Variants in PCLO observed in about 807,000 individuals in gnomAD.
PCLO encodes the protein protein piccolo.
Under a neutral mutation model 427.5 loss-of-function variants are expected in PCLO, and 82 were observed. That is an observed-to-expected ratio of 0.19 (90% CI 0.16 to 0.23). PCLO has a LOEUF of 0.23. PCLO is among the 10% of genes least tolerant of loss of function. The pLI is 1.00. For synonymous variants in PCLO, 2,357 were observed against 2,155.4 expected, an observed-to-expected ratio of 1.09 and a Z score of -2.59; for missense variants, 6,239 against 6,115.9, an observed-to-expected ratio of 1.02 and a Z score of -0.67.
At position 82,956,524 on chromosome 7, in the gene PCLO, C is replaced by G; in HGVS notation, c.4429G>C (p.Asp1477His). Reference sequence around the variant, plus strand: ...TGTTGGCTATCTTTTTTAAAAGTGTCTTTCCTTTCTTCTTGACTCTCTTTG... The same window carrying G: ...TGTTGGCTATCTTTTTTAAAAGTGTGTTTCCTTTCTTCTTGACTCTCTTTG... ...EIKESQEERK[D>H]TFKKDSQQDI... The change falls in exon 5 of 25, where the codon GAC (aspartate) becomes CAC (histidine). Residue 1477 changes from aspartate (D) to histidine (H), a missense_variant. This residue lies in a region of PCLO where 4,677 missense variants were observed against 4,468.4 expected (regional missense o/e 1.05). Transcript: ENST00000333891. 1 of 1,612,536 alleles carries G rather than the reference C, an allele frequency of 6.2e-7. No homozygotes were observed. The highest frequency in any genetic ancestry group is 2.2e-5 in the East Asian group (1 of 44,854).
At chr7:83,054,061 T>C (rs1017558496) in intron 3 of PCLO, among the ~76,000 whole-genome samples, 18 of 151,952 alleles carry the variant, frequency 1.2e-4, no homozygotes, top group Non-Finnish European at 8.8e-5. Context: ...ATAACCACCA[T>C]GATCTGAACT....
intron 3 of PCLO, among the ~76,000 whole-genome samples, chr7:82,982,977 T>A (rs966316581): frequency 6.6e-6 from 1 of 151,698 alleles, no homozygotes; most frequent in South Asian, 2.1e-4. Flanking sequence ...CACCTGTGAT[T>A]GGGAAAATTA....
chr7:83,009,416 T>C lies in PCLO; in HGVS notation c.3301-42929A>G, dbSNP rs1788025041. On this transcript the variant is annotated intron_variant, in intron 3 of 24. Coordinates refer to ENST00000333891, the MANE Select transcript of PCLO (RefSeq NM_033026.6). ...GTGAGCAAGTTATTTAGCCCATCTG[T>C]GCCAAAGATTTCCAATTTCTATTTA... 7.9e-5 allele frequency among the ~76,000 whole-genome samples: 12 copies of C among 151,968 alleles called. No homozygotes were observed. In the South Asian group the frequency reaches 2.5e-3, roughly 31 times the overall value.
At chr7:83,161,388 T>C (rs890373973) in intron 1 of PCLO, among the ~76,000 whole-genome samples, 1 of 152,194 alleles carries the variant, frequency 6.6e-6, no homozygotes, top group Non-Finnish European at 1.5e-5. Context: ...AACTGTTCTC[T>C]ACTAGAGGGT....
At chr7:82,979,443 T>C (rs757792738) in intron 3 of PCLO, among the ~76,000 whole-genome samples, 14 of 152,182 alleles carry the variant, frequency 9.2e-5, no homozygotes, top group Admixed American at 8.5e-4. Context: ...CATCAAAATG[T>C]AAATTCAGAG....
chr7:83,115,502 T>C (rs1791108923), intron 3 of PCLO, among the ~76,000 whole-genome samples: 1 of 152,062 alleles, frequency 6.6e-6, no homozygotes, highest in Admixed American at 6.6e-5. Context: ...TAAAACCTTA[T>C]TATAGTATTT....
Position 82,966,130 on chromosome 7 carries a change from G to GT in PCLO, c.3657dup (p.Leu1220ThrfsTer4), listed in dbSNP as rs1795765698. ...CGTATCTTTTCTTCTTCAGGGATTA[G>GT]TTTTTTTTCTTCAGGGAGTGGCTTT... On this transcript the variant is annotated frameshift_variant, in exon 4 of 25. Coordinates refer to ENST00000333891, the MANE Select transcript of PCLO (RefSeq NM_033026.6). LOFTEE classifies it high-confidence loss of function. 1.2e-6 allele frequency: 2 copies of GT among 1,602,288 alleles called. No homozygotes were observed. Among genetic ancestry groups the GT allele is most frequent in the Non-Finnish European group, 8.5e-7 (1 of 1,176,222 alleles).
At chr7:82,970,728 G>A (rs570395808) in intron 3 of PCLO, among the ~76,000 whole-genome samples, 7 of 151,850 alleles carry the variant, frequency 4.6e-5, no homozygotes, top group Non-Finnish European at 1.0e-4. Context: ...TTCAAATTTT[G>A]TTTATTAAGG....
Position 82,950,837 on chromosome 7 carries a change from T to C in PCLO, c.9751A>G (p.Ile3251Val), listed in dbSNP as rs1174379479. 1.2e-6 allele frequency: 2 copies of C among 1,613,714 alleles called. No homozygotes were observed. Among genetic ancestry groups the C allele is most frequent in the South Asian group, 1.1e-5 (1 of 91,086 alleles). ...EIQRFREQEK[I>V]MVQKKLEELQ... ...TCCTCCAACTTTTTCTGAACCATGA[T>C]CTTTTCTTGTTCTCGGAACCTTTGA... Residue 3251 changes from isoleucine (I) to valine (V), a missense_variant, in exon 6 of 25, where the codon ATC (isoleucine) becomes GTC (valine). Ile to Val is a conservative substitution (Grantham distance 29). This residue lies in a region of PCLO where 4,677 missense variants were observed against 4,468.4 expected (regional missense o/e 1.05). Coordinates refer to ENST00000333891, the MANE Select transcript of PCLO (RefSeq NM_033026.6).
chr7:82,801,021 G>A (rs1042387246), intron 22 of PCLO, among the ~76,000 whole-genome samples: 3 of 151,284 alleles, frequency 2.0e-5, no homozygotes, highest in South Asian at 2.1e-4. Context: ...TTAATAAAAC[G>A]AAATTTGAAC....
At chr7:83,125,298 C>A (rs1199236825) in intron 3 of PCLO, among the ~76,000 whole-genome samples, 1 of 151,872 alleles carries the variant, frequency 6.6e-6, no homozygotes, top group Non-Finnish European at 1.5e-5. Flanking sequence ...CCGCCGCCCC[C>A]TCTGGAAGGT....
chr7:83,118,256 T>G (rs1274170123), intron 3 of PCLO, among the ~76,000 whole-genome samples: 1 of 152,146 alleles, frequency 6.6e-6, no homozygotes, highest in African/African-American at 2.4e-5. Context: ...AATACCTTAT[T>G]TATCAAACAG....
intron 2 of PCLO, among the ~76,000 whole-genome samples, chr7:83,141,215 C>A (rs2116637243): frequency 6.6e-6 from 1 of 152,306 alleles, no homozygotes; most frequent in Admixed American, 6.5e-5. Flanking sequence ...GGAGAGCCTA[C>A]AACGATATCA....
intron 3 of PCLO, among the ~76,000 whole-genome samples, chr7:83,078,200 A>T (rs1163936652): frequency 1.3e-5 from 2 of 152,138 alleles, no homozygotes; most frequent in African/African-American, 2.4e-5. Flanking sequence ...CAACAAACAT[A>T]TATTATTAAA....
At chr7:82,776,438 C>A (rs1790750838) in intron 22 of PCLO, among the ~76,000 whole-genome samples, 1 of 151,578 alleles carries the variant, frequency 6.6e-6, no homozygotes, top group South Asian at 2.1e-4. Flanking sequence ...ACTAAAAATA[C>A]AAAAATTGAG....
At chr7:82,874,609 G>GT (rs1450853130) in intron 10 of PCLO, among the ~76,000 whole-genome samples, 1 of 152,026 alleles carries the variant, frequency 6.6e-6, no homozygotes, top group Non-Finnish European at 1.5e-5. Flanking sequence ...TAATCAGTAG[G>GT]TTTTACCTAG....
rs778108792 is a variant in PCLO, at chr7:82,794,459, C to CTTTT, written c.15007+7055_15007+7058dup. 3.2e-4 allele frequency among the ~76,000 whole-genome samples: 18 copies of CTTTT among 56,358 alleles called. 3 individuals are homozygous for CTTTT. Among genetic ancestry groups the CTTTT allele is most frequent in the Middle Eastern group, 0.019 (1 of 54 alleles). The allele number at this position is 56,358 out of a possible 152,430, so 37.0% of individuals were successfully genotyped here. A position where few individuals can be genotyped will look rare whatever the true frequency, so the allele number is the denominator to read the frequency against. ...ACATGCTAGTTCATAAATTTTTTTT[C>CTTTT]TTTTTTTTTTTTTTTTTTTTTTTTT... On this transcript the variant is annotated intron_variant, in intron 22 of 24. Coordinates refer to ENST00000333891, the MANE Select transcript of PCLO (RefSeq NM_033026.6).
chr7:82,779,787 G>C (rs1790833411), intron 22 of PCLO, among the ~76,000 whole-genome samples: 2 of 143,452 alleles, frequency 1.4e-5, no homozygotes, highest in Admixed American at 1.4e-4. Flanking sequence ...TGTTGCCCAG[G>C]TGGAGTGCAA....
At chr7:83,046,587 T>C (rs1789108511) in intron 3 of PCLO, among the ~76,000 whole-genome samples, 1 of 152,100 alleles carries the variant, frequency 6.6e-6, no homozygotes, top group South Asian at 2.1e-4. Context: ...TGGATCTTAA[T>C]ACTATTTTGT....
Sources: allele counts gnomAD v4.1 joint callset (sites outside exome capture counted in the v4.1 genomes callset), GRCh38; gene constraint gnomAD v4.1.1; regional missense constraint gnomAD v4.1.1; transcripts MANE v1.5; gene names NCBI Gene and HGNC (gene_info 2026-07-23, HGNC 2026-07-21).